ZFPM2: variants seen among roughly 807,000 people sequenced by gnomAD.
ZFPM2 encodes zinc finger protein ZFPM2.
A neutral mutation model predicts 98.6 loss-of-function variants in ZFPM2; 20 were observed. The ratio of observed to expected loss-of-function variants is 0.20; its 90% CI spans 0.14 to 0.29. The LOEUF is 0.29. Among genes scored for constraint, ZFPM2 ranks in the 10% least tolerant of loss-of-function variants. The pLI is 1.00. For synonymous variants in ZFPM2, 518 were observed against 502.7 expected (o/e 1.03, Z -0.41); for missense variants, 1,310 against 1,388.6 (o/e 0.94, Z 0.90).
intron 5 of ZFPM2, among the ~76,000 whole-genome samples, chr8:105,702,452 T>C (rs1586207724): frequency 6.6e-6 from 1 of 152,194 alleles, no homozygotes; most frequent in South Asian, 2.1e-4. Context: ...TTAATGGCTG[T>C]GTCATTTGGT....
chr8:105,443,814 G>A (rs1425810871), intron 2 of ZFPM2, among the ~76,000 whole-genome samples: 3 of 152,072 alleles, frequency 2.0e-5, no homozygotes, highest in Non-Finnish European at 4.4e-5. Flanking sequence ...CGAGCATAAA[G>A]CTGGGGAAAA....
intron 5 of ZFPM2, among the ~76,000 whole-genome samples, chr8:105,636,379 T>C (rs540902705): frequency 1.3e-5 from 2 of 152,198 alleles, no homozygotes; most frequent in Admixed American, 1.3e-4. Flanking sequence ...TGAGTCCAAC[T>C]ATGTGCTAAC....
At chr8:105,679,609 C>T (rs1810554312) in intron 5 of ZFPM2, among the ~76,000 whole-genome samples, 3 of 151,948 alleles carry the variant, frequency 2.0e-5, no homozygotes, top group Middle Eastern at 6.8e-3. Context: ...GTCTGAGCAA[C>T]ATGGCAAAAC....
At chr8:105,647,969 G>T (rs190456100) in intron 5 of ZFPM2, among the ~76,000 whole-genome samples, 8 of 152,244 alleles carry the variant, frequency 5.3e-5, no homozygotes, top group Non-Finnish European at 7.3e-5. Flanking sequence ...TTTCACAATG[G>T]TTGAACCAGT....
chr8:105,488,266 C>A (rs2130419636), intron 3 of ZFPM2, among the ~76,000 whole-genome samples: 1 of 152,262 alleles, frequency 6.6e-6, no homozygotes, highest in Middle Eastern at 3.4e-3. Flanking sequence ...AATAAGCAAT[C>A]CGTGATGTAT....
At chr8:105,403,546 A>G (rs1278366544) in intron 1 of ZFPM2, among the ~76,000 whole-genome samples, 1 of 152,114 alleles carries the variant, frequency 6.6e-6, no homozygotes, top group African/African-American at 2.4e-5. Context: ...ATCATTTTAT[A>G]AAGTAATTAT....
At chr8:105,358,129 G>C (rs1812782696) in intron 1 of ZFPM2, among the ~76,000 whole-genome samples, 1 of 152,142 alleles carries the variant, frequency 6.6e-6, no homozygotes, top group Non-Finnish European at 1.5e-5. Context: ...AATTAATTTT[G>C]TGAAGCTGTT....
chr8:105,570,637 A>G (rs756657183), intron 4 of ZFPM2, among the ~76,000 whole-genome samples: 2 of 152,198 alleles, frequency 1.3e-5, no homozygotes, highest in Non-Finnish European at 2.9e-5. Context: ...TGCCTCCAAA[A>G]TAATACCTTT....
chr8:105,504,725 C>T (rs1394858668), intron 3 of ZFPM2, among the ~76,000 whole-genome samples: 6 of 151,884 alleles, frequency 4.0e-5, no homozygotes, highest in Non-Finnish European at 8.8e-5. Flanking sequence ...GTTCTGACAC[C>T]GTATAATAAT....
At chr8:105,330,609 TACAC>T (rs1554595013) in intron 1 of ZFPM2, among the ~76,000 whole-genome samples, 3,546 of 56,742 alleles carry the variant, frequency 0.062, 119 homozygotes, top group Non-Finnish European at 0.075. Flanking sequence ...TATATATATA[TACAC>T]ATATATATAT....
chr8:105,744,248 A>G (rs973554875), intron 5 of ZFPM2, among the ~76,000 whole-genome samples: 1 of 152,060 alleles, frequency 6.6e-6, no homozygotes, highest in Admixed American at 6.6e-5. Flanking sequence ...TTATACTCTT[A>G]AACAGTAAAA....
At chr8:105,475,993 A>G (rs1197826320) in intron 3 of ZFPM2, among the ~76,000 whole-genome samples, 11 of 152,240 alleles carry the variant, frequency 7.2e-5, no homozygotes, top group Admixed American at 7.2e-4. Context: ...ACGGACTAGC[A>G]TTGGTGATCT....
intron 3 of ZFPM2, among the ~76,000 whole-genome samples, chr8:105,516,216 G>A (rs1724638974): frequency 6.6e-6 from 1 of 152,034 alleles, no homozygotes; most frequent in Non-Finnish European, 1.5e-5. Flanking sequence ...GTGAGCCACC[G>A]TGCCCAGCCA....
chr8:105,513,064 A>G (rs1336356231), intron 3 of ZFPM2, among the ~76,000 whole-genome samples: 8 of 152,322 alleles, frequency 5.3e-5, no homozygotes, highest in Middle Eastern at 3.4e-3. Flanking sequence ...AGCTGCTTTC[A>G]CAATGAGTGA....
At chr8:105,783,576 A>G (rs1813324813) in intron 5 of ZFPM2, among the ~76,000 whole-genome samples, 1 of 152,038 alleles carries the variant, frequency 6.6e-6, no homozygotes, top group Non-Finnish European at 1.5e-5. Context: ...GGCAACCACC[A>G]TTCTACTTTC....
At chr8:105,540,280 T>G in intron 3 of ZFPM2, among the ~76,000 whole-genome samples, 1 of 152,136 alleles carries the variant, frequency 6.6e-6, no homozygotes, top group East Asian at 1.9e-4. Flanking sequence ...TCTTCATGTT[T>G]ATAGGTATCT....
intron 5 of ZFPM2, chr8:105,782,395 T>G (rs991716442): frequency 4.6e-5 from 7 of 152,230 alleles, no homozygotes; most frequent in African/African-American, 9.6e-5. Flanking sequence ...ACCAATAAAG[T>G]GCTCTTCATA....
intron 5 of ZFPM2, chr8:105,662,339 T>G (rs933486455): frequency 6.6e-6 from 1 of 151,874 alleles, no homozygotes; most frequent in African/African-American, 2.4e-5. Flanking sequence ...CAGGAGTGGG[T>G]GGGGAGGGAG....
At chr8:105,489,466 ATTTTTTT>A (rs369037656) in intron 3 of ZFPM2, among the ~76,000 whole-genome samples, 1 of 119,810 alleles carries the variant, frequency 8.3e-6, no homozygotes, top group African/African-American at 3.6e-5. Flanking sequence ...ATATATATAT[ATTTTTTT>A]TTTTTTTTGA....
Sources: allele counts gnomAD v4.1 joint callset (sites outside exome capture counted in the v4.1 genomes callset), GRCh38; gene constraint gnomAD v4.1.1; transcripts MANE v1.5; gene names NCBI Gene and HGNC (gene_info 2026-07-23, HGNC 2026-07-21).